PREX1: variants seen among roughly 807,000 people sequenced by gnomAD.
The protein encoded by PREX1 is phosphatidylinositol-3,4,5-trisphosphate dependent Rac exchange factor 1.
PREX1 carries 41 observed loss-of-function variants against 198.3 expected under a neutral mutation model. That is an observed-to-expected ratio of 0.21 (90% CI 0.16 to 0.27). PREX1 has a LOEUF of 0.27. Among genes scored for constraint, PREX1 ranks in the 10% least tolerant of loss-of-function variants. The pLI is 1.00. For missense variants in PREX1, 1,620 were observed against 2,200.7 expected (o/e 0.74, Z 5.28); for synonymous variants, 843 against 887.2 (o/e 0.95, Z 0.89).
intron 3 of PREX1, among the ~76,000 whole-genome samples, chr20:48,741,963 A>G (rs2090084255): frequency 6.6e-6 from 1 of 152,220 alleles, no homozygotes; most frequent in Non-Finnish European, 1.5e-5. Context: ...TTTTATTCCA[A>G]TGAGGCAGGA....
At chr20:48,816,124 A>G (rs2090458237) in intron 1 of PREX1, among the ~76,000 whole-genome samples, 1 of 152,068 alleles carries the variant, frequency 6.6e-6, no homozygotes, top group Non-Finnish European at 1.5e-5. Context: ...CTCATAATAC[A>G]GCCCACCTGC....
chr20:48,771,426 G>A (rs915981852), intron 1 of PREX1, among the ~76,000 whole-genome samples: 3 of 151,916 alleles, frequency 2.0e-5, no homozygotes, highest in African/African-American at 7.3e-5. Context: ...TCTCCGCTAA[G>A]TGTTTTGCCA....
intron 25 of PREX1, among the ~76,000 whole-genome samples, chr20:48,647,733 C>A (rs1395399730): frequency 1.3e-5 from 2 of 152,074 alleles, no homozygotes; most frequent in African/African-American, 4.8e-5. Context: ...TGAACCCAGG[C>A]CTCCTGGCTC....
At chr20:48,694,156 C>A (rs943368127) in intron 7 of PREX1, among the ~76,000 whole-genome samples, 21 of 152,138 alleles carry the variant, frequency 1.4e-4, no homozygotes, top group Non-Finnish European at 2.5e-4. Flanking sequence ...AAGTTATCCA[C>A]CCCCCTCGGC....
In PREX1 at chr20:48,630,927, C is replaced by T. The variant is rs1362543169; in HGVS notation, c.4527-133G>A. 5.7e-6 allele frequency: 4 copies of T among 697,628 alleles called. No homozygotes were observed. The East Asian group carries it at 8.2e-5, about 14-fold the overall frequency. 43.2% of individuals were successfully genotyped at this position (697,628 alleles called of 1,614,324 possible). ...TCTCAGAATGAAATCCCTGAGAGCGCCTGCAGGCTGTGCTCACCCGCAGGC... is the reference window on the plus strand; with the variant it reads ...TCTCAGAATGAAATCCCTGAGAGCGTCTGCAGGCTGTGCTCACCCGCAGGC... On this transcript the variant is annotated intron_variant, in intron 35 of 39. Transcript: ENST00000371941.
intron 32 of PREX1, among the ~76,000 whole-genome samples, chr20:48,635,148 C>T (rs1171733287): frequency 6.6e-6 from 1 of 152,176 alleles, no homozygotes; most frequent in Non-Finnish European, 1.5e-5. Flanking sequence ...ATAGCACCAG[C>T]GTTCATTCGG....
At chr20:48,767,567 A>G (rs1211786360) in intron 1 of PREX1, among the ~76,000 whole-genome samples, 5 of 152,196 alleles carry the variant, frequency 3.3e-5, no homozygotes, top group Non-Finnish European at 5.9e-5. Flanking sequence ...GAGTCGCACC[A>G]GAGTGAAATG....
At chr20:48,803,266 C>G (rs950084296) in intron 1 of PREX1, among the ~76,000 whole-genome samples, 4 of 152,148 alleles carry the variant, frequency 2.6e-5, no homozygotes, top group African/African-American at 9.7e-5. Context: ...CCAGAAAAAG[C>G]ACTGAGGCCC....
Position 48,807,238 on chromosome 20 carries a change from C to T in PREX1, c.219+20404G>A, listed in dbSNP as rs151080107. Among the ~76,000 whole-genome samples the T allele has an allele frequency of 8.6e-4, 131 of 152,370 alleles. 1 individual carries two copies. Among genetic ancestry groups the T allele is most frequent in the African/African-American group, 2.9e-3 (120 of 41,594 alleles). On this transcript the variant is annotated intron_variant, in intron 1 of 39. Coordinates refer to ENST00000371941, the MANE Select transcript of PREX1 (RefSeq NM_020820.4). Reference sequence around the variant, plus strand: ...CTCAGCCTGAGGCTACCAAGGCTAACATCTGGTGCACATCCTGCAGTATCT... The same window carrying T: ...CTCAGCCTGAGGCTACCAAGGCTAATATCTGGTGCACATCCTGCAGTATCT...
At chr20:48,741,112 G>A (rs908744508) in intron 3 of PREX1, among the ~76,000 whole-genome samples, 7 of 152,024 alleles carry the variant, frequency 4.6e-5, no homozygotes, top group African/African-American at 7.2e-5. Flanking sequence ...GGGTTCAAAC[G>A]ATAAGTGAAT....
chr20:48,670,108 T>C (rs1375299930), intron 14 of PREX1, among the ~76,000 whole-genome samples: 1 of 152,128 alleles, frequency 6.6e-6, no homozygotes, highest in Non-Finnish European at 1.5e-5. Flanking sequence ...GCTTACACAG[T>C]AACAATGGAG....
chr20:48,640,899 G>T (rs1248035661), intron 29 of PREX1, among the ~76,000 whole-genome samples: 1 of 121,052 alleles, frequency 8.3e-6, no homozygotes, highest in Non-Finnish European at 1.7e-5. Flanking sequence ...GGGTGGGTGG[G>T]TGGATGGATA....
At chr20:48,861,609 A>C in the PREX1 span, among the ~76,000 whole-genome samples, 1 of 152,178 alleles carries the variant, frequency 6.6e-6, no homozygotes, top group East Asian at 1.9e-4. Flanking sequence ...GAGGGACCTC[A>C]CACTTCAGTG....
At chr20:48,668,162 C>T (rs184927407) in intron 14 of PREX1, among the ~76,000 whole-genome samples, 42 of 150,630 alleles carry the variant, frequency 2.8e-4, no homozygotes, top group Admixed American at 1.1e-3. Flanking sequence ...TGTGTGTGTG[C>T]GTGCATGCGC....
At chr20:48,773,223 C>T (rs528227741) in intron 1 of PREX1, among the ~76,000 whole-genome samples, 234 of 140,318 alleles carry the variant, frequency 1.7e-3, no homozygotes, top group African/African-American at 4.8e-3. Context: ...GCCGAGATCA[C>T]GCCACTGCAC....
the PREX1 span, among the ~76,000 whole-genome samples, chr20:48,862,967 G>A: frequency 1.3e-5 from 2 of 151,254 alleles, no homozygotes; most frequent in African/African-American, 2.4e-5. Flanking sequence ...TGGGACTATA[G>A]GCATACACCA....
At chr20:48,767,534 A>G (rs942591399) in intron 1 of PREX1, among the ~76,000 whole-genome samples, 1 of 152,158 alleles carries the variant, frequency 6.6e-6, no homozygotes, top group Non-Finnish European at 1.5e-5. Flanking sequence ...AGAGAAGGAA[A>G]TAGATAACGA....
At chr20:48,742,708 GCA>G (rs1157908315) in intron 3 of PREX1, among the ~76,000 whole-genome samples, 3 of 152,244 alleles carry the variant, frequency 2.0e-5, no homozygotes, top group South Asian at 2.1e-4. Flanking sequence ...GTTGCTTCAT[GCA>G]CACTGAACTC....
At chr20:48,876,139 A>T in the PREX1 span, among the ~76,000 whole-genome samples, 1 of 152,038 alleles carries the variant, frequency 6.6e-6, no homozygotes, top group Non-Finnish European at 1.5e-5. Context: ...ACTTTTGGGG[A>T]GGCCAAGGTG....
Sources: gnomAD v4.1 joint callset for allele counts (sites outside exome capture counted in the v4.1 genomes callset) on GRCh38, gnomAD v4.1.1 for gene constraint, MANE v1.5 for transcripts, NCBI Gene and HGNC (gene_info 2026-07-23, HGNC 2026-07-21) for gene names.